Variants in BACH2 observed in about 807,000 individuals in gnomAD.
BACH2 encodes the protein transcription regulator protein BACH2.
In BACH2, 5 loss-of-function variants were observed where a neutral mutation model predicts 61.8. The ratio of observed to expected loss-of-function variants is 0.08; its 90% confidence interval spans 0.04 to 0.17. BACH2 has a LOEUF of 0.17. BACH2 is among the 10% of genes least tolerant of loss of function. The pLI, the probability that BACH2 is intolerant of heterozygous loss-of-function variation, is 1.00. For synonymous variants in BACH2, 446 were observed against 440.1 expected, an observed-to-expected ratio of 1.01 and a Z score of -0.17; for missense variants, 824 against 1,091.1, an observed-to-expected ratio of 0.76 and a Z score of 3.45.
intron 3 of BACH2, among the ~76,000 whole-genome samples, chr6:90,229,403 C>A (rs909775948): frequency 1.3e-5 from 2 of 151,438 alleles, no homozygotes; most frequent in African/African-American, 4.9e-5. Flanking sequence ...GAGGTTGCGG[C>A]GAGCAGAGAT....
rs1234802218 is a variant in BACH2 at position 89,930,829 on chromosome 6, A to C, written c.*1579T>G. 1 of 152,452 alleles carries C rather than the reference A, an allele frequency of 6.6e-6. No individual in the cohort carries two copies. The highest frequency in any genetic ancestry group is 1.5e-5 in the Non-Finnish European group (1 of 68,094). 9.4% of individuals were successfully genotyped at this position (152,452 alleles called of 1,614,324 possible). ...GTCTGCCTTCAGACAAGACACTGGC[A>C]GAAAAACCTCAGAAGAAAACTCCAA... is the stretch of plus-strand genomic sequence containing the variant. On this transcript the variant is annotated 3_prime_UTR_variant, in exon 9 of 9. Coordinates refer to ENST00000257749, the MANE Select transcript of BACH2 (RefSeq NM_021813.4).
chr6:90,170,037 C>T (rs536851499), intron 4 of BACH2, among the ~76,000 whole-genome samples: 1 of 152,244 alleles, frequency 6.6e-6, no homozygotes, highest in Admixed American at 6.5e-5. Context: ...TATTCATTTA[C>T]TTTCTTACTA....
intron 5 of BACH2, among the ~76,000 whole-genome samples, chr6:90,024,291 C>A (rs1325040930): frequency 6.6e-6 from 1 of 152,150 alleles, no homozygotes; most frequent in African/African-American, 2.4e-5. Flanking sequence ...AACACACCCA[C>A]ACCTTAAATC....
At chr6:89,947,929 A>G (rs1827127932) in intron 7 of BACH2, among the ~76,000 whole-genome samples, 1 of 152,044 alleles carries the variant, frequency 6.6e-6, no homozygotes, top group Admixed American at 6.5e-5. Flanking sequence ...GGTATTTCTC[A>G]AGGGGGGAAG....
At chr6:89,945,575 T>G (rs1181792974) in intron 7 of BACH2, among the ~76,000 whole-genome samples, 1 of 152,178 alleles carries the variant, frequency 6.6e-6, no homozygotes, top group Non-Finnish European at 1.5e-5. Flanking sequence ...TAACTGCTAA[T>G]AGGTACAGCA....
chr6:90,204,174 G>A (rs770113032), intron 4 of BACH2, among the ~76,000 whole-genome samples: 5 of 152,136 alleles, frequency 3.3e-5, no homozygotes, highest in East Asian at 1.9e-4. Flanking sequence ...GAAGTGCCCC[G>A]TCAGTGAGCT....
intron 4 of BACH2, among the ~76,000 whole-genome samples, chr6:90,192,714 T>A (rs1245109894): frequency 6.6e-6 from 1 of 152,236 alleles, no homozygotes; most frequent in East Asian, 1.9e-4. Context: ...TTTCACTAGT[T>A]TCACAAGAAG....
At chr6:90,196,778 G>A (rs1465511461) in intron 4 of BACH2, among the ~76,000 whole-genome samples, 1 of 151,868 alleles carries the variant, frequency 6.6e-6, no homozygotes, top group Non-Finnish European at 1.5e-5. Context: ...ATATTTAACT[G>A]AAACTAGCCT....
intron 4 of BACH2, among the ~76,000 whole-genome samples, chr6:90,203,485 G>A (rs1769028632): frequency 6.6e-6 from 1 of 151,636 alleles, no homozygotes; most frequent in Admixed American, 6.6e-5. Flanking sequence ...GCAAAAAGCT[G>A]CGAAGAATGT....
intron 6 of BACH2, among the ~76,000 whole-genome samples, chr6:89,988,479 A>T (rs1776362128): frequency 6.6e-6 from 1 of 152,154 alleles, no homozygotes; most frequent in Non-Finnish European, 1.5e-5. Flanking sequence ...CATTCTATAC[A>T]CCCTAAAATG....
At chr6:89,987,432 A>G (rs539646936) in intron 6 of BACH2, among the ~76,000 whole-genome samples, 1 of 152,290 alleles carries the variant, frequency 6.6e-6, no homozygotes, top group African/African-American at 2.4e-5. Flanking sequence ...CACTGAGTCC[A>G]TGCCCCAGGT....
chr6:90,295,654 G>GGGGTGTGT (rs377584550), intron 1 of BACH2, among the ~76,000 whole-genome samples: 5 of 147,734 alleles, frequency 3.4e-5, no homozygotes, highest in African/African-American at 1.2e-4. Context: ...TGGAGTGTAG[G>GGGGTGTGT]GTGTGTGTGT....
intron 5 of BACH2, among the ~76,000 whole-genome samples, chr6:90,070,556 T>C (rs1781178360): frequency 6.6e-6 from 1 of 152,206 alleles, no homozygotes; most frequent in African/African-American, 2.4e-5. Flanking sequence ...GTGAGGACTC[T>C]GATTCTTTAA....
At chr6:90,276,773 G>C (rs555656146) in intron 1 of BACH2, among the ~76,000 whole-genome samples, 1 of 151,694 alleles carries the variant, frequency 6.6e-6, no homozygotes, top group African/African-American at 2.4e-5. Flanking sequence ...TTATACCCTG[G>C]GACAATGGTC....
intron 4 of BACH2, among the ~76,000 whole-genome samples, chr6:90,108,719 C>T (rs888073779): frequency 6.6e-6 from 1 of 152,208 alleles, no homozygotes; most frequent in African/African-American, 2.4e-5. Flanking sequence ...TTGCTCTAGA[C>T]TTAAGATAGT....
At chr6:90,174,017 G>A (rs1767907110) in intron 4 of BACH2, among the ~76,000 whole-genome samples, 1 of 152,062 alleles carries the variant, frequency 6.6e-6, no homozygotes, top group Admixed American at 6.5e-5. Context: ...GAGATAAAAA[G>A]GGCCATCACA....
chr6:90,033,351 TAAAAAA>T (rs57759686), intron 5 of BACH2, among the ~76,000 whole-genome samples: 3 of 83,384 alleles, frequency 3.6e-5, no homozygotes, highest in Admixed American at 1.2e-4. Context: ...GAAACTTAAA[TAAAAAA>T]AAAAAAAAAA....
intron 5 of BACH2, among the ~76,000 whole-genome samples, chr6:90,026,398 G>A (rs766604667): frequency 3.9e-5 from 6 of 152,198 alleles, no homozygotes; most frequent in Non-Finnish European, 7.3e-5. Context: ...CCAGGTCAGT[G>A]ACAATGCTGG....
At chr6:90,174,317 C>T (rs1767918240) in intron 4 of BACH2, among the ~76,000 whole-genome samples, 1 of 151,798 alleles carries the variant, frequency 6.6e-6, no homozygotes, top group Non-Finnish European at 1.5e-5. Flanking sequence ...ATGATTATCT[C>T]AAAGAATATA....
Sources: allele counts gnomAD v4.1 joint callset (sites outside exome capture counted in the v4.1 genomes callset), GRCh38; gene constraint gnomAD v4.1.1; transcripts MANE v1.5; gene names NCBI Gene and HGNC (gene_info 2026-07-23, HGNC 2026-07-21).